Variants in POPDC3 observed in about 807,000 individuals in gnomAD.
POPDC3 encodes popeye domain cAMP effector 3.
POPDC3 carries 20 observed loss-of-function variants against 28.2 expected under a neutral mutation model. The ratio of observed to expected loss-of-function variants is 0.71; its 90% CI spans 0.50 to 1.03. The LOEUF (loss-of-function observed/expected upper bound fraction) is 1.03. Among genes scored for constraint, POPDC3 ranks in the 50% least tolerant of loss-of-function variants. POPDC3 has a pLI of 0.00. For missense variants in POPDC3, 316 were observed against 345.9 expected (o/e 0.91, Z 0.69); for synonymous variants, 118 against 124.1 (o/e 0.95, Z 0.33).
chr6:105,161,550 C>G lies in POPDC3; in HGVS notation c.360G>C (p.Gly120=), dbSNP rs267600751. The G allele has an allele frequency of 6.2e-7, 1 of 1,614,152 alleles. No individual in the cohort carries two copies. The highest frequency in any genetic ancestry group is 2.2e-5 in the East Asian group (1 of 44,886). The stretch of plus-strand genomic sequence containing the variant: ...TCGTTCTGAAGACAGGCAAAGAGAT[C>G]CCCAGGGGCTGGAAAAGGGAGCTGT... ...VLYSSLFQPL[G]ISLPVFRTIA... The change falls in exon 2 of 4, where the codon GGG becomes GGC. Residue 120 remains glycine (G), a synonymous_variant. Coordinates refer to ENST00000254765, the MANE Select transcript of POPDC3 (RefSeq NM_022361.5).
Position 105,161,467 on chromosome 6 carries a change from C to A in POPDC3, c.443G>T (p.Gly148Val). ...GGAGAGTTTATCAATGGAAGTTTTC[C>A]CCTGCATGGCATAACAGTGTTCCTT... ...LEKEHCYAMQ[G>V]KTSIDKLSLL... The change falls in exon 2 of 4, where the codon GGG (glycine) becomes GTG (valine). Residue 148 changes from glycine (G) to valine (V), a missense_variant. By Grantham distance (109) the Gly-to-Val change is moderately radical (BLOSUM62 -3). Coordinates refer to ENST00000254765, the MANE Select transcript of POPDC3 (RefSeq NM_022361.5). The A allele has an allele frequency of 6.2e-7, 1 of 1,614,026 alleles. No individual in the cohort carries two copies. The highest frequency in any genetic ancestry group is 8.5e-7 in the Non-Finnish European group (1 of 1,179,962).
At chr6:105,158,832 T>G in intron 3 of POPDC3, 81 bp from the exon 4 acceptor site, 1 of 1,259,192 alleles carries the variant, frequency 7.9e-7, no homozygotes, top group South Asian at 1.6e-5. Flanking sequence ...AATTGTTAAA[T>G]TAATTTCACG....
At chr6:105,168,510 A>T (rs1258539837) in intron 1 of POPDC3, among the ~76,000 whole-genome samples, 1 of 152,164 alleles carries the variant, frequency 6.6e-6, no homozygotes, top group Non-Finnish European at 1.5e-5. Flanking sequence ...CATCACATTT[A>T]TCTCTACCCA....
At chr6:105,170,652 C>T (rs957262310) in intron 1 of POPDC3, among the ~76,000 whole-genome samples, 1 of 152,156 alleles carries the variant, frequency 6.6e-6, no homozygotes, top group Non-Finnish European at 1.5e-5. Context: ...CTTTAATCAA[C>T]TAGAGTCAAT....
Position 105,161,628 on chromosome 6 carries a change from A to T in POPDC3, c.282T>A (p.His94Gln). ...TTATGCTGCGAACTTGATATGCAAT[A>T]TGAACAAATTGCATGAAGCAGATGA... is the stretch of plus-strand genomic sequence containing the variant. ...LFVICFMQFV[H>Q]IAYQVRSITF... Residue 94 changes from histidine (H) to glutamine (Q), a missense_variant, in exon 2 of 4, where the codon CAT becomes CAA. Physicochemically the swap from His to Gln is conservative, Grantham distance 24. Coordinates refer to ENST00000254765, the MANE Select transcript of POPDC3 (RefSeq NM_022361.5). The T allele has an allele frequency of 1.2e-6, 2 of 1,614,170 alleles. No homozygotes were observed. The highest frequency in any genetic ancestry group is 2.2e-5 in the South Asian group (2 of 91,084).
intron 1 of POPDC3, among the ~76,000 whole-genome samples, chr6:105,168,365 C>T (rs1774502261): frequency 6.6e-6 from 1 of 152,208 alleles, no homozygotes; most frequent in East Asian, 1.9e-4. Context: ...TCATGTACCA[C>T]TAATCTCTTA....
chr6:105,158,614 A>T lies in POPDC3; in HGVS notation c.732T>A (p.Tyr244Ter). The change falls in exon 4 of 4, where the codon TAT (tyrosine) becomes TAA (stop). Residue 244 changes from tyrosine to a stop codon, truncating the protein, a stop_gained. Transcript: ENST00000254765. LOFTEE classifies it high-confidence loss of function. Reference sequence around the variant, plus strand: ...CTATATATACCCTGTCATTCAAGGCATAGAGTTTATCTGCAATGTCACTGC... The same window carrying T: ...CTATATATACCCTGTCATTCAAGGCTTAGAGTTTATCTGCAATGTCACTGC... ...LIGSDIADKLYALNDRVYIGK... is the reference protein window; with the variant it reads ...LIGSDIADKL 4 of 1,614,210 alleles carry T rather than the reference A, an allele frequency of 2.5e-6. No individual in the cohort carries two copies. The highest frequency in any genetic ancestry group is 3.4e-6 in the Non-Finnish European group (4 of 1,180,022).
rs145811453 is a variant in POPDC3, at chr6:105,165,377, A to G, written c.-251-3217T>C. Among the ~76,000 whole-genome samples, 143 of 152,352 alleles carry G rather than the reference A, an allele frequency of 9.4e-4. 2 individuals are homozygous for G. The East Asian group carries it at 0.017, about 18-fold the overall frequency. On this transcript the variant is annotated intron_variant, in intron 1 of 3. Coordinates refer to ENST00000254765, the MANE Select transcript of POPDC3 (RefSeq NM_022361.5). ...TCATGAATAATTTGCTGTATTATTC[A>G]ATATTGACTGGTTTCCTCTCCTAGA...
At chr6:105,163,144 ATAAAT>A (rs932708974) in intron 1 of POPDC3, among the ~76,000 whole-genome samples, 3 of 152,262 alleles carry the variant, frequency 2.0e-5, no homozygotes, top group Non-Finnish European at 4.4e-5. Flanking sequence ...GAAATATTTA[ATAAAT>A]TAGATTGAAA....
At chr6:105,174,176 G>A (rs980241175) in intron 1 of POPDC3, among the ~76,000 whole-genome samples, 1 of 152,128 alleles carries the variant, frequency 6.6e-6, no homozygotes, top group Non-Finnish European at 1.5e-5. Context: ...AAAGTAACTG[G>A]GATTAAAGGC....
intron 1 of POPDC3, among the ~76,000 whole-genome samples, chr6:105,178,071 T>C (rs919614619): frequency 2.6e-5 from 4 of 152,236 alleles, no homozygotes; most frequent in African/African-American, 7.2e-5. Flanking sequence ...CTTCTATTAA[T>C]TGGAGGGACA....
chr6:105,173,754 G>T (rs1039338220), intron 1 of POPDC3, among the ~76,000 whole-genome samples: 1 of 151,710 alleles, frequency 6.6e-6, no homozygotes, highest in African/African-American at 2.4e-5. Flanking sequence ...ATTAAAACAA[G>T]ATAACAATCA....
intron 1 of POPDC3, 111 bp from the exon 2 acceptor site, chr6:105,162,271 A>C (rs376867551): frequency 2.4e-4 from 104 of 439,000 alleles, no homozygotes; most frequent in African/African-American, 2.0e-3. Flanking sequence ...ATTTTCTATG[A>C]AGTTAGAGTA....
At chr6:105,169,317 T>C (rs1484265374) in intron 1 of POPDC3, 1 of 152,172 alleles carries the variant, frequency 6.6e-6, no homozygotes, top group Non-Finnish European at 1.5e-5. Flanking sequence ...CAAGACCCTA[T>C]GAGAGACCCT....
intron 1 of POPDC3, chr6:105,178,868 CAAT>C: frequency 1.0e-6 from 1 of 985,328 alleles, no homozygotes; most frequent in Non-Finnish European, 1.2e-6. Context: ...GAACAGGCAA[CAAT>C]AATTTTTTAA....
At chr6:105,169,072 C>T (rs1774521069) in intron 1 of POPDC3, 1 of 152,142 alleles carries the variant, frequency 6.6e-6, no homozygotes, top group Admixed American at 6.5e-5. Context: ...AAACTGATAA[C>T]AAATATTTAT....
At chr6:105,179,339 G>C (rs547325174) in intron 1 of POPDC3, among the ~76,000 whole-genome samples, 4 of 152,256 alleles carry the variant, frequency 2.6e-5, no homozygotes, top group African/African-American at 7.2e-5. Flanking sequence ...TTACAGACCG[G>C]GGGCGGGAGT....
intron 2 of POPDC3, 65 bp from the exon 3 acceptor site, chr6:105,159,884 T>TG: frequency 1.1e-6 from 1 of 943,252 alleles, no homozygotes. Flanking sequence ...TGGGGAGGGG[T>TG]GGGGGGTAGA....
chr6:105,160,450 G>GTGAC (rs1456675292), intron 2 of POPDC3, among the ~76,000 whole-genome samples: 3 of 34,126 alleles, frequency 8.8e-5, no homozygotes, highest in Admixed American at 1.1e-3. Context: ...CTGACCTCAA[G>GTGAC]TGACCCACTA....
Sources: gnomAD v4.1 joint callset for allele counts (sites outside exome capture counted in the v4.1 genomes callset) on GRCh38, gnomAD v4.1.1 for gene constraint, MANE v1.5 for transcripts, NCBI Gene and HGNC (gene_info 2026-07-23, HGNC 2026-07-21) for gene names.